The following PCDHA7 variants were observed in gnomAD, a reference collection of about 807,000 sequenced individuals.
PCDHA7 encodes protocadherin alpha 7, also known as protocadherin alpha-7.
A neutral mutation model predicts 57.2 loss-of-function variants in PCDHA7; 37 were observed. That is an observed-to-expected ratio of 0.65 (90% CI 0.50 to 0.85). The LOEUF is 0.85. Ranked by LOEUF, PCDHA7 falls within the 40% of genes least tolerant of loss-of-function variation. The pLI is 0.00. For missense variants in PCDHA7, 1,188 were observed against 1,241.8 expected, an observed-to-expected ratio of 0.96 and a Z score of 0.65; for synonymous variants, 553 against 558.8, an observed-to-expected ratio of 0.99 and a Z score of 0.15.
At chr5:141,001,872 CAAG>C (rs1329160545) in intron 3 of PCDHA7, among the ~76,000 whole-genome samples, 1 of 152,126 alleles carries the variant, frequency 6.6e-6, no homozygotes, top group African/African-American at 2.4e-5. Flanking sequence ...TGCCCAAAAC[CAAG>C]AAGGAGCAAA....
intron 1 of PCDHA7, chr5:140,849,645 C>A: frequency 6.3e-7 from 1 of 1,598,746 alleles, no homozygotes; most frequent in Non-Finnish European, 8.6e-7. Flanking sequence ...TGCCAACGGG[C>A]AGGTTACCTG....
intron 1 of PCDHA7, among the ~76,000 whole-genome samples, chr5:140,894,027 A>G (rs1251239546): frequency 6.6e-6 from 1 of 152,206 alleles, no homozygotes; most frequent in Non-Finnish European, 1.5e-5. Context: ...AGTTCTGCAT[A>G]CTGGTAATGT....
At chr5:140,884,312 G>A in intron 1 of PCDHA7, 1 of 1,613,768 alleles carries the variant, frequency 6.2e-7, no homozygotes, top group Non-Finnish European at 8.5e-7. Context: ...TTCGTCGAGG[G>A]CGTCGGCAGG....
At chr5:140,861,700 T>C (rs2047027429) in intron 1 of PCDHA7, 1 of 222,356 alleles carries the variant, frequency 4.5e-6, no homozygotes, top group Non-Finnish European at 9.0e-6. Flanking sequence ...GTGTCTGTGA[T>C]GCCGACGTCG....
chr5:140,861,480 T>G, intron 1 of PCDHA7: 1 of 490,608 alleles, frequency 2.0e-6, no homozygotes, highest in Non-Finnish European at 4.2e-6. Flanking sequence ...GAATGGCATT[T>G]TTGTGAGTTC....
chr5:140,957,852 A>AT (rs5871756), intron 1 of PCDHA7, among the ~76,000 whole-genome samples: 44,688 of 151,688 alleles, frequency 0.29, 7,154 homozygotes, highest in East Asian at 0.53. Context: ...GAGTTTGTGT[A>AT]TTTTTTTTCC....
chr5:140,843,813 T>A, intron 1 of PCDHA7: 3 of 1,270,692 alleles, frequency 2.4e-6, no homozygotes, highest in Non-Finnish European at 3.3e-6. Flanking sequence ...TATTTTATAG[T>A]GAAAATTTAA....
intron 1 of PCDHA7, among the ~76,000 whole-genome samples, chr5:140,846,830 A>G (rs965797545): frequency 6.7e-6 from 1 of 149,758 alleles, no homozygotes; most frequent in Admixed American, 6.7e-5. Context: ...AATAAAGAAT[A>G]TGAGTCACAC....
At chr5:140,848,439 G>T in intron 1 of PCDHA7, 4 of 1,486,148 alleles carry the variant, frequency 2.7e-6, no homozygotes, top group South Asian at 2.5e-5. Flanking sequence ...GAAATCAGAT[G>T]ATTTCTTCTA....
At chr5:140,969,821 T>C (rs1358078633) in intron 1 of PCDHA7, among the ~76,000 whole-genome samples, 3 of 152,250 alleles carry the variant, frequency 2.0e-5, no homozygotes, top group Non-Finnish European at 4.4e-5. Flanking sequence ...TACTCTGGAC[T>C]GTCTACAGTG....
intron 1 of PCDHA7, chr5:140,843,770 C>A: frequency 6.8e-7 from 1 of 1,463,438 alleles, no homozygotes; most frequent in Non-Finnish European, 9.4e-7. Flanking sequence ...ATTGTAGTTA[C>A]TTTAAAAGTG....
chr5:140,928,081 C>T (rs782268064), intron 1 of PCDHA7: 1 of 1,614,090 alleles, frequency 6.2e-7, no homozygotes, highest in Non-Finnish European at 8.5e-7. Context: ...CTACTACAGC[C>T]TGCTGATTGA....
chr5:141,004,178 T>G (rs527276653), intron 3 of PCDHA7, among the ~76,000 whole-genome samples: 2 of 152,372 alleles, frequency 1.3e-5, no homozygotes, highest in South Asian at 2.1e-4. Flanking sequence ...CCAAGTGTCT[T>G]GAGTGCTCTT....
At chr5:140,977,784 A>G (rs1284023783) in intron 1 of PCDHA7, among the ~76,000 whole-genome samples, 1 of 152,366 alleles carries the variant, frequency 6.6e-6, no homozygotes, top group East Asian at 1.9e-4. Context: ...TAAAGGAACT[A>G]TATGAATGAT....
In PCDHA7 at chr5:140,882,919, A is replaced by G. The variant is rs781879301; in HGVS notation, c.2355+46181A>G. 7.4e-6 allele frequency: 12 copies of G among 1,614,104 alleles called. No homozygotes were observed. In the East Asian group the frequency reaches 2.7e-4, roughly 36 times the overall value. The stretch of plus-strand genomic sequence containing the variant: ...GTTTATTACTGACAGCCAGTGATGG[A>G]GGTAAACCCGAGCTGACTGGCACAG... On this transcript the variant is annotated intron_variant, in intron 1 of 3. Coordinates refer to ENST00000525929, the MANE Select transcript of PCDHA7 (RefSeq NM_018910.3).
chr5:140,923,019 C>T (rs540025993), intron 1 of PCDHA7, among the ~76,000 whole-genome samples: 4 of 152,168 alleles, frequency 2.6e-5, no homozygotes, highest in South Asian at 2.1e-4. Context: ...ACTGCAGTTT[C>T]GGACTCTATT....
intron 1 of PCDHA7, chr5:140,875,857 A>C: frequency 6.2e-7 from 1 of 1,614,124 alleles, no homozygotes; most frequent in Non-Finnish European, 8.5e-7. Context: ...CATTAACGAC[A>C]ACCCGCCGGT....
intron 1 of PCDHA7, among the ~76,000 whole-genome samples, chr5:140,932,839 C>T (rs138437913): frequency 6.6e-6 from 1 of 151,940 alleles, no homozygotes; most frequent in East Asian, 1.9e-4. Flanking sequence ...GACAATGTGT[C>T]TCATAATGTT....
intron 1 of PCDHA7, chr5:140,876,767 C>T (rs1462172871): frequency 1.2e-6 from 2 of 1,614,194 alleles, no homozygotes; most frequent in South Asian, 1.1e-5. Flanking sequence ...GATGGGGGCT[C>T]GCCTTCGCTG....
Sources: gnomAD v4.1 joint callset for allele counts (sites outside exome capture counted in the v4.1 genomes callset) on GRCh38, gnomAD v4.1.1 for gene constraint, MANE v1.5 for transcripts, NCBI Gene and HGNC (gene_info 2026-07-23, HGNC 2026-07-21) for gene names.